LSP1: variants seen among roughly 807,000 people sequenced by gnomAD.
The protein encoded by LSP1 is lymphocyte-specific protein 1.
A neutral mutation model predicts 49.3 loss-of-function variants in LSP1; 32 were observed. The observed-to-expected ratio is 0.65, with a 90% CI of 0.49 to 0.87. The LOEUF (loss-of-function observed/expected upper bound fraction) is 0.87, where lower values mean the gene tolerates loss of function less well. Ranked by LOEUF, LSP1 falls within the 40% of genes least tolerant of loss-of-function variation. The pLI is 0.00. For missense variants in LSP1, 428 were observed against 442.6 expected (o/e 0.97, Z 0.30); for synonymous variants, 179 against 178.8 (o/e 1.00, Z -0.01).
intron 1 of LSP1, among the ~76,000 whole-genome samples, chr11:1,855,905 G>A (rs1847477406): frequency 1.3e-5 from 2 of 152,230 alleles, no homozygotes; most frequent in Admixed American, 6.5e-5. Flanking sequence ...GAGGCGATGA[G>A]GACGGGGCGT....
rs375262260 is a variant in LSP1, at chr11:1,867,436, C to T, written c.54-12651C>T. On this transcript the variant is annotated intron_variant, in intron 1 of 10. Transcript: ENST00000311604. ...GCCATGATCTCTTCTCTGCAGCCTC[C>T]AACAGCTCGGACTTCCCCAGTCCCA... Among the ~76,000 whole-genome samples, 7 of 151,972 alleles carry T rather than the reference C, an allele frequency of 4.6e-5. No individual in the cohort carries two copies. In the South Asian group the frequency reaches 1.5e-3, roughly 32 times the overall value.
At chr11:1,885,492 C>T (rs1385931002) in intron 7 of LSP1, among the ~76,000 whole-genome samples, 1 of 151,914 alleles carries the variant, frequency 6.6e-6, no homozygotes, top group African/African-American at 2.4e-5. Flanking sequence ...CCAGTCAATG[C>T]CCCTCCATCC....
chr11:1,866,460 T>A, intron 1 of LSP1: 1 of 1,470,454 alleles, frequency 6.8e-7, no homozygotes, highest in South Asian at 1.4e-5. Context: ...GTTGGGTCCG[T>A]GCAGATGCAG....
At chr11:1,860,885 A>G (rs1384989953) in intron 1 of LSP1, among the ~76,000 whole-genome samples, 1 of 105,064 alleles carries the variant, frequency 9.5e-6, no homozygotes, top group Non-Finnish European at 2.1e-5. Context: ...ATATGGACAT[A>G]TAAATGATTG....
At chr11:1,855,573 C>T (rs1473162570) in intron 1 of LSP1, among the ~76,000 whole-genome samples, 2 of 152,304 alleles carry the variant, frequency 1.3e-5, no homozygotes, top group Non-Finnish European at 2.9e-5. Flanking sequence ...CTCTCAGATG[C>T]CCCCAGGACA....
chr11:1,859,213 G>A (rs942242699), intron 1 of LSP1, among the ~76,000 whole-genome samples: 1 of 152,152 alleles, frequency 6.6e-6, no homozygotes, highest in Admixed American at 6.5e-5. Context: ...CACACCACAC[G>A]CTCAGGGAGA....
chr11:1,873,837 G>GAGGGAGGCCGGCAGAGC (rs1565079048), intron 1 of LSP1, among the ~76,000 whole-genome samples: 54 of 115,488 alleles, frequency 4.7e-4, no homozygotes, highest in African/African-American at 1.1e-3. Context: ...GCCGGCAGAG[G>GAGGGAGGCCGGCAGAGC]AGGGAGGCCG....
At chr11:1,881,753 G>C (rs4980377) in intron 3 of LSP1, among the ~76,000 whole-genome samples, 157 bp downstream of exon 3, 5,683 of 150,562 alleles carry the variant, frequency 0.038, 168 homozygotes, top group South Asian at 0.08. Flanking sequence ...CTCAACCTGC[G>C]CCTGAGCAGC....
At chr11:1,863,101 T>G (rs1048783599) in intron 1 of LSP1, 19 of 152,160 alleles carry the variant, frequency 1.2e-4, no homozygotes, top group African/African-American at 4.3e-4. Flanking sequence ...GGGACGGACT[T>G]CCTGACTCCC....
At chr11:1,868,790 C>A in intron 1 of LSP1, 1 of 985,818 alleles carries the variant, frequency 1.0e-6, no homozygotes, top group Non-Finnish European at 1.2e-6. Context: ...GGGCCAGAGC[C>A]CAGAGGACGG....
chr11:1,854,702 G>C (rs1355528323), intron 1 of LSP1, among the ~76,000 whole-genome samples: 1 of 152,094 alleles, frequency 6.6e-6, no homozygotes, highest in Admixed American at 6.5e-5. Flanking sequence ...TGCCCAGGCC[G>C]TGTGCAGGGA....
chr11:1,858,874 C>T (rs1192474836), intron 1 of LSP1, among the ~76,000 whole-genome samples: 1 of 152,216 alleles, frequency 6.6e-6, no homozygotes, highest in Non-Finnish European at 1.5e-5. Flanking sequence ...CACAGGCAGA[C>T]AAGGGAGGAG....
chr11:1,865,214 G>A (rs1272674255), intron 1 of LSP1: 9 of 985,380 alleles, frequency 9.1e-6, no homozygotes, highest in African/African-American at 5.3e-5. Flanking sequence ...GGGCAGTCCC[G>A]GGCTTCTGAG....
chr11:1,877,802 G>A (rs1848374244), intron 1 of LSP1, among the ~76,000 whole-genome samples: 1 of 152,184 alleles, frequency 6.6e-6, no homozygotes, highest in African/African-American at 2.4e-5. Flanking sequence ...AGTTGGGTGT[G>A]CACCTGCGTG....
At chr11:1,854,201 G>C (rs1213476748) in intron 1 of LSP1, among the ~76,000 whole-genome samples, 1 of 152,166 alleles carries the variant, frequency 6.6e-6, no homozygotes, top group African/African-American at 2.4e-5. Context: ...AGGTCAGCGG[G>C]GGCTGTGGCC....
chr11:1,869,774 T>A lies in LSP1; in HGVS notation c.54-10313T>A, dbSNP rs771148151. 65 of 451,284 alleles carry A rather than the reference T, an allele frequency of 1.4e-4. 2 individuals are homozygous for A. The highest frequency in any genetic ancestry group is 1.0e-3 in the South Asian group (64 of 63,632). The allele number at this position is 451,284 out of a possible 1,614,324, so 28.0% of individuals were successfully genotyped here. ...CCAAGGAGAGGGCGGGCGAGGAAAA[T>A]GGGGCGCCCCACAGAGGAGGGGGCG... On this transcript the variant is annotated intron_variant, in intron 1 of 10. Coordinates refer to ENST00000311604, the MANE Select transcript of LSP1 (RefSeq NM_002339.3).
At chr11:1,878,946 T>C (rs1194781951) in intron 1 of LSP1, among the ~76,000 whole-genome samples, 1 of 151,996 alleles carries the variant, frequency 6.6e-6, no homozygotes, top group Non-Finnish European at 1.5e-5. Flanking sequence ...CAGGCCAGCC[T>C]GTGCCTACCT....
intron 1 of LSP1, chr11:1,865,369 T>G: frequency 2.6e-6 from 1 of 381,110 alleles, no homozygotes; most frequent in Non-Finnish European, 3.6e-6. Context: ...CGGTAGGCTC[T>G]GCTGCCCCAA....
Position 1,886,909 on chromosome 11 carries a change from G to A in LSP1, c.852+43G>A, listed in dbSNP as rs780339106. On this transcript the variant is annotated intron_variant, in intron 8 of 10. Transcript: ENST00000311604. The stretch of plus-strand genomic sequence containing the variant: ...GGCAAGGCTGGGCTGCAGAGCCAGC[G>A]CCTGGGAGTTTAGTAGCAGGCCGGG... The A allele has an allele frequency of 9.4e-6, 15 of 1,592,306 alleles. No individual in the cohort carries two copies. In the African/African-American group the frequency reaches 9.4e-5, roughly 10 times the overall value.
Sources: gnomAD v4.1 joint callset for allele counts (sites outside exome capture counted in the v4.1 genomes callset) on GRCh38, gnomAD v4.1.1 for gene constraint, MANE v1.5 for transcripts, NCBI Gene and HGNC (gene_info 2026-07-23, HGNC 2026-07-21) for gene names.